Variants in PLCB1 observed in about 807,000 individuals in gnomAD.
PLCB1 encodes the protein 1-phosphatidylinositol 4,5-bisphosphate phosphodiesterase beta-1.
In PLCB1, 46 loss-of-function variants were observed where a neutral mutation model predicts 161.8. The ratio of observed to expected loss-of-function variants is 0.28; its 90% confidence interval spans 0.22 to 0.36. The LOEUF is 0.36. PLCB1 is among the 10% of genes least tolerant of loss of function. The pLI is 1.00. For missense variants in PLCB1, 1,016 were observed against 1,472.5 expected (o/e 0.69, Z 5.07); for synonymous variants, 517 against 503.7 (o/e 1.03, Z -0.35).
chr20:8,557,276 A>G (rs1985996429), intron 3 of PLCB1, among the ~76,000 whole-genome samples: 1 of 152,012 alleles, frequency 6.6e-6, no homozygotes, highest in Non-Finnish European at 1.5e-5. Context: ...TTCACAATAG[A>G]CAAAAGGTGA....
intron 3 of PLCB1, among the ~76,000 whole-genome samples, chr20:8,393,876 A>G (rs1215866373): frequency 6.6e-6 from 1 of 152,192 alleles, no homozygotes; most frequent in East Asian, 1.9e-4. Context: ...ACAGTAGTGC[A>G]GATCCTATTA....
intron 3 of PLCB1, among the ~76,000 whole-genome samples, chr20:8,374,167 T>A (rs1986994976): frequency 2.0e-5 from 3 of 151,930 alleles, no homozygotes; most frequent in Non-Finnish European, 4.4e-5. Context: ...CAGGTGGAGG[T>A]AATTGAATCA....
chr20:8,296,439 C>T (rs933684156), intron 2 of PLCB1, among the ~76,000 whole-genome samples: 10 of 152,128 alleles, frequency 6.6e-5, no homozygotes, highest in African/African-American at 2.4e-4. Context: ...AGTATATGCC[C>T]TCCAAGAACC....
intron 2 of PLCB1, among the ~76,000 whole-genome samples, chr20:8,331,527 T>C (rs1985363942): frequency 6.6e-6 from 1 of 152,208 alleles, no homozygotes; most frequent in Non-Finnish European, 1.5e-5. Flanking sequence ...TGCAGTGATG[T>C]GAGCAGTTTA....
intron 31 of PLCB1, among the ~76,000 whole-genome samples, chr20:8,799,947 A>C (rs1342031684): frequency 6.6e-6 from 1 of 152,230 alleles, no homozygotes; most frequent in Non-Finnish European, 1.5e-5. Context: ...CATGTTCAGT[A>C]CAGACACAAC....
At chr20:8,433,963 GTGTT>G (rs1980182475) in intron 3 of PLCB1, among the ~76,000 whole-genome samples, 1 of 94,532 alleles carries the variant, frequency 1.1e-5, no homozygotes, top group African/African-American at 3.5e-5. Flanking sequence ...AACCCATTAT[GTGTT>G]TGTTTTTTGC....
chr20:8,717,791 G>C lies in PLCB1; in HGVS notation c.1456G>C (p.Ala486Pro). The C allele has an allele frequency of 2.5e-6, 4 of 1,614,016 alleles. No homozygotes were observed. The highest frequency in any genetic ancestry group is 3.4e-6 in the Non-Finnish European group (4 of 1,179,936). The change falls in exon 14 of 32, where the codon GCC (alanine) becomes CCC (proline). Residue 486 changes from alanine to proline, a missense_variant. By Grantham distance (27) the Ala-to-Pro change is conservative. Transcript: ENST00000338037. The stretch of plus-strand genomic sequence containing the variant: ...CGGCAAAAAGAAGCTCTCAGAACAA[G>C]CCTCCAACACCTACAGTGACTCCTC... ...GSGKKKLSEQ[A>P]SNTYSDSSSM...
intron 31 of PLCB1, among the ~76,000 whole-genome samples, chr20:8,814,971 C>T (rs1985014292): frequency 1.3e-5 from 2 of 152,140 alleles, no homozygotes; most frequent in Admixed American, 1.3e-4. Context: ...AATGAGCAGA[C>T]TTGATTGTGT....
intron 3 of PLCB1, among the ~76,000 whole-genome samples, chr20:8,533,391 G>T (rs1352086485): frequency 1.3e-5 from 2 of 151,238 alleles, no homozygotes; most frequent in African/African-American, 4.9e-5. Flanking sequence ...TAATGGGATG[G>T]CTGGGTCAAA....
chr20:8,881,630 G>A lies in PLCB1; in HGVS notation c.3432G>A (p.Val1144=). ...QILDEKPKLQ[V]ELEQEYQDKF... ...CTCTTGATGTCTCTCAGCTGCAGGT[G>A]GAGCTGGAGCAAGAATACCAAGACA... The change falls in exon 32 of 32, where the codon GTG becomes GTA. Residue 1144 remains valine, a synonymous_variant. Coordinates refer to ENST00000338037, the MANE Select transcript of PLCB1 (RefSeq NM_015192.4). The A allele has an allele frequency of 6.2e-7, 1 of 1,613,232 alleles. No individual in the cohort carries two copies. Among genetic ancestry groups the A allele is most frequent in the Non-Finnish European group, 8.5e-7 (1 of 1,179,262 alleles).
At chr20:8,463,762 G>T (rs1981694105) in intron 3 of PLCB1, among the ~76,000 whole-genome samples, 1 of 152,148 alleles carries the variant, frequency 6.6e-6, no homozygotes, top group East Asian at 1.9e-4. Context: ...TCTCTTGAAT[G>T]ATAAAATATG....
At chr20:8,503,283 C>G (rs1983502086) in intron 3 of PLCB1, among the ~76,000 whole-genome samples, 1 of 152,192 alleles carries the variant, frequency 6.6e-6, no homozygotes, top group Admixed American at 6.5e-5. Context: ...ATTCAGATCT[C>G]TAAGGATAGC....
intron 7 of PLCB1, among the ~76,000 whole-genome samples, chr20:8,650,905 G>A (rs974819928): frequency 6.6e-6 from 1 of 152,242 alleles, no homozygotes; most frequent in South Asian, 2.1e-4. Context: ...TCATACGGTG[G>A]TAAAGTAGGT....
intron 2 of PLCB1, among the ~76,000 whole-genome samples, chr20:8,316,960 C>G (rs1568629413): frequency 7.4e-6 from 1 of 136,032 alleles, no homozygotes; most frequent in Non-Finnish European, 1.6e-5. Flanking sequence ...CACCCCCGGC[C>G]CAGATACCCT....
chr20:8,259,744 A>C (rs1449514076), intron 2 of PLCB1, among the ~76,000 whole-genome samples: 1 of 152,212 alleles, frequency 6.6e-6, no homozygotes, highest in Non-Finnish European at 1.5e-5. Context: ...TAAATCCAAA[A>C]TATGCCAATT....
chr20:8,196,291 T>C lies in PLCB1; in HGVS notation c.177+45920T>C, dbSNP rs565670522. Among the ~76,000 whole-genome samples, 7 of 152,248 alleles carry C rather than the reference T, an allele frequency of 4.6e-5. No individual in the cohort carries two copies. The East Asian group carries it at 5.8e-4, about 13-fold the overall frequency. ...CAGAAAATGATATTTTGAAATACCA[T>C]TTGGCAGTTGGCTCTTTGACCAATT... On this transcript the variant is annotated intron_variant, in intron 2 of 31. Transcript: ENST00000338037.
intron 3 of PLCB1, among the ~76,000 whole-genome samples, chr20:8,442,642 C>T (rs1195536616): frequency 6.6e-6 from 1 of 152,036 alleles, no homozygotes; most frequent in East Asian, 1.9e-4. Flanking sequence ...TAGTGAAATC[C>T]CAGTCCAAAA....
chr20:8,671,361 C>A (rs983329519), intron 9 of PLCB1, among the ~76,000 whole-genome samples: 2 of 152,194 alleles, frequency 1.3e-5, no homozygotes, highest in African/African-American at 4.8e-5. Flanking sequence ...TTTCTCTTGT[C>A]CTCATGTTGG....
intron 31 of PLCB1, among the ~76,000 whole-genome samples, chr20:8,853,140 A>G (rs1249629071): frequency 1.3e-5 from 2 of 152,254 alleles, no homozygotes; most frequent in African/African-American, 4.8e-5. Flanking sequence ...GTATTTATCA[A>G]AGGAACTTTG....
Sources: allele counts gnomAD v4.1 joint callset (sites outside exome capture counted in the v4.1 genomes callset), GRCh38; gene constraint gnomAD v4.1.1; transcripts MANE v1.5; gene names NCBI Gene and HGNC (gene_info 2026-07-23, HGNC 2026-07-21).